The following TP63 variants were observed in gnomAD, a reference collection of about 807,000 sequenced individuals.
The protein encoded by TP63 is tumor protein p63, also known as tumor protein 63.
In TP63, 17 loss-of-function variants were observed where a neutral mutation model predicts 82.8. The observed-to-expected ratio is 0.21, with a 90% CI of 0.14 to 0.31. The LOEUF (loss-of-function observed/expected upper bound fraction) is 0.31, where lower values mean the gene tolerates loss of function less well. Ranked by LOEUF, TP63 falls within the 10% of genes least tolerant of loss-of-function variation. TP63 has a pLI of 1.00. For synonymous variants in TP63, 330 were observed against 321.7 expected (o/e 1.03, Z -0.28); for missense variants, 648 against 895.3 (o/e 0.72, Z 3.52).
intron 4 of TP63, among the ~76,000 whole-genome samples, chr3:189,823,012 G>C (rs1560221311): frequency 6.6e-6 from 1 of 152,210 alleles, no homozygotes; most frequent in Non-Finnish European, 1.5e-5. Context: ...AGCAGCCTCT[G>C]AAGTTCCCCT....
At chr3:189,695,467 G>T (rs996270214) in intron 1 of TP63, among the ~76,000 whole-genome samples, 2 of 152,072 alleles carry the variant, frequency 1.3e-5, no homozygotes, top group Non-Finnish European at 2.9e-5. Context: ...AGGATCTCTG[G>T]TTTCTTTTAC....
the TP63 span, among the ~76,000 whole-genome samples, chr3:189,598,943 A>T: frequency 2.0e-5 from 3 of 152,170 alleles, no homozygotes; most frequent in Non-Finnish European, 2.9e-5. Flanking sequence ...TTTCCCAAGG[A>T]TTGGAGGCGT....
chr3:189,650,114 C>T (rs917216399), intron 1 of TP63, among the ~76,000 whole-genome samples: 8 of 146,612 alleles, frequency 5.5e-5, no homozygotes, highest in African/African-American at 2.0e-4. Context: ...ATTGACCTCA[C>T]TTAATTCTTG....
chr3:189,828,249 CAA>C (rs556370643), intron 4 of TP63, among the ~76,000 whole-genome samples: 33 of 84,498 alleles, frequency 3.9e-4, no homozygotes, highest in Non-Finnish European at 4.1e-4. Flanking sequence ...TCAAAACAAG[CAA>C]AAAAAAAAAA....
rs558564283 is a variant in TP63 at position 189,845,367 on chromosome 3, T to C, written c.580-18865T>C. Among the ~76,000 whole-genome samples the C allele has an allele frequency of 1.8e-4, 27 of 152,328 alleles. No homozygotes were observed. In the South Asian group the frequency reaches 3.3e-3, roughly 19 times the overall value. Reference sequence around the variant, plus strand: ...TAAACTGCGACCTTAAACAAAATGATGTGCAGGAGATCTTCGAGTAATTGT... The same window carrying C: ...TAAACTGCGACCTTAAACAAAATGACGTGCAGGAGATCTTCGAGTAATTGT... On this transcript the variant is annotated intron_variant, in intron 4 of 13. Transcript: ENST00000264731.
rs554910863 is a variant in TP63, at chr3:189,671,531, T to G, written c.62+39954T>G. The stretch of plus-strand genomic sequence containing the variant: ...CTATCATATGATCTAGTAATTCTAC[T>G]ACAGGGTATTTATTCAAAGGAAAGA... On this transcript the variant is annotated intron_variant, in intron 1 of 13. Transcript: ENST00000264731. Among the ~76,000 whole-genome samples, 6 of 152,216 alleles carry G rather than the reference T, an allele frequency of 3.9e-5. No individual in the cohort carries two copies. In the South Asian group the frequency reaches 1.2e-3, roughly 32 times the overall value.
chr3:189,652,468 T>A (rs574194575), intron 1 of TP63, among the ~76,000 whole-genome samples: 11 of 147,218 alleles, frequency 7.5e-5, no homozygotes, highest in Admixed American at 7.3e-4. Context: ...ATCTAGGAAG[T>A]AACTAGCTTG....
chr3:189,761,812 G>A (rs1036565694), intron 3 of TP63, among the ~76,000 whole-genome samples: 3 of 152,190 alleles, frequency 2.0e-5, no homozygotes, highest in African/African-American at 7.2e-5. Context: ...CCACATGGCT[G>A]GGGAGGCCTC....
chr3:189,831,438 A>G (rs1383034321), intron 4 of TP63, among the ~76,000 whole-genome samples: 2 of 152,096 alleles, frequency 1.3e-5, no homozygotes, highest in African/African-American at 2.4e-5. Flanking sequence ...TTATATGCAC[A>G]GGTCATTTTC....
chr3:189,791,460 T>C (rs1298139257), intron 3 of TP63, among the ~76,000 whole-genome samples: 1 of 152,126 alleles, frequency 6.6e-6, no homozygotes, highest in Admixed American at 6.6e-5. Flanking sequence ...AGAGTCATAT[T>C]GTATGTGAGA....
At chr3:189,785,124 T>C (rs1266927438) in intron 3 of TP63, among the ~76,000 whole-genome samples, 1 of 152,088 alleles carries the variant, frequency 6.6e-6, no homozygotes, top group East Asian at 1.9e-4. Flanking sequence ...GGGCTTGAGA[T>C]ACGGAGCTTG....
intron 3 of TP63, among the ~76,000 whole-genome samples, chr3:189,760,908 C>A (rs1722517746): frequency 6.6e-6 from 1 of 152,200 alleles, no homozygotes; most frequent in Non-Finnish European, 1.5e-5. Context: ...AGGCTCAACA[C>A]CATGTAGAAG....
chr3:189,658,453 GT>G (rs1156664963), intron 1 of TP63, among the ~76,000 whole-genome samples: 1 of 151,996 alleles, frequency 6.6e-6, no homozygotes, highest in African/African-American at 2.4e-5. Flanking sequence ...GAACTTAAAA[GT>G]GAGAAACTTT....
chr3:189,804,800 T>C (rs1390041445), intron 3 of TP63, among the ~76,000 whole-genome samples: 1 of 152,222 alleles, frequency 6.6e-6, no homozygotes, highest in African/African-American at 2.4e-5. Context: ...TAGTGTCAGT[T>C]TTACGCTTTC....
At chr3:189,668,107 GA>G (rs1714563515) in intron 1 of TP63, among the ~76,000 whole-genome samples, 1 of 151,298 alleles carries the variant, frequency 6.6e-6, no homozygotes, top group South Asian at 2.1e-4. Context: ...AGGGGCTTGA[GA>G]AAAAAAATTA....
chr3:189,615,875 C>A, the TP63 span, among the ~76,000 whole-genome samples: 6 of 152,198 alleles, frequency 3.9e-5, no homozygotes, highest in Non-Finnish European at 5.9e-5. Flanking sequence ...TCATTTTTGG[C>A]CTTCAACCAC....
chr3:189,612,117 A>T, the TP63 span, among the ~76,000 whole-genome samples: 3 of 151,996 alleles, frequency 2.0e-5, no homozygotes, highest in Admixed American at 6.6e-5. Flanking sequence ...GATGTGCTTT[A>T]TTTCTTTTTC....
At chr3:189,801,837 C>T (rs980853440) in intron 3 of TP63, among the ~76,000 whole-genome samples, 3 of 152,102 alleles carry the variant, frequency 2.0e-5, no homozygotes, top group Non-Finnish European at 4.4e-5. Flanking sequence ...ATACTTTATT[C>T]TTATATTTTG....
At chr3:189,855,047 A>G (rs985695092) in intron 4 of TP63, among the ~76,000 whole-genome samples, 12 of 152,236 alleles carry the variant, frequency 7.9e-5, no homozygotes, top group Non-Finnish European at 1.5e-4. Context: ...AACCATACAC[A>G]TACTGAAGAC....
Sources: gnomAD v4.1 joint callset for allele counts (sites outside exome capture counted in the v4.1 genomes callset) on GRCh38, gnomAD v4.1.1 for gene constraint, MANE v1.5 for transcripts, NCBI Gene and HGNC (gene_info 2026-07-23, HGNC 2026-07-21) for gene names.